Variants in ROBO4 observed in about 807,000 individuals in gnomAD.
The protein encoded by ROBO4 is roundabout homolog 4.
ROBO4 carries 80 observed loss-of-function variants against 103.3 expected under a neutral mutation model. The ratio of observed to expected loss-of-function variants is 0.77; its 90% confidence interval spans 0.65 to 0.93. ROBO4 has a LOEUF of 0.93. Among genes scored for constraint, ROBO4 ranks in the 40% least tolerant of loss-of-function variants. The pLI is 0.00. For missense variants in ROBO4, 1,333 were observed against 1,305.3 expected, an observed-to-expected ratio of 1.02 and a Z score of -0.33; for synonymous variants, 504 against 529.7, an observed-to-expected ratio of 0.95 and a Z score of 0.67.
In ROBO4 at chr11:124,887,211, G is replaced by A; in HGVS notation, c.2201C>T (p.Pro734Leu). Residue 734 changes from proline (P) to leucine (L), a missense_variant and splice_region_variant, in exon 15 of 18, where the codon CCT becomes CTT. Transcript: ENST00000306534. ...TPPTQSQQTQ[P>L]PVAPQAPSSI... ...GGAGGGAGCCTGTGGTGCCACCGGA[G>A]GCCTGATTTGCGGGAGAGAGTGATG... 1 of 1,590,300 alleles carries A rather than the reference G, an allele frequency of 6.3e-7. No homozygotes were observed. The highest frequency in any genetic ancestry group is 1.1e-5 in the South Asian group (1 of 87,212).
rs1591527933 is a variant in ROBO4 at position 124,883,985 on chromosome 11, T to G, written c.*906A>C. The stretch of plus-strand genomic sequence containing the variant: ...CTAAGGCTTATCTTGAGGAGGTGGA[T>G]TTAATATAAGTTGCCAGGACCAGCA... On this transcript the variant is annotated 3_prime_UTR_variant, in exon 18 of 18. Transcript: ENST00000306534. 1 of 152,206 alleles carries G rather than the reference T, an allele frequency of 6.6e-6. No homozygotes were observed. Among genetic ancestry groups the G allele is most frequent in the East Asian group, 1.9e-4 (1 of 5,168 alleles). 9.4% of individuals were successfully genotyped at this position (152,206 alleles called of 1,614,324 possible). A position where few individuals can be genotyped will look rare whatever the true frequency, so the allele number is the denominator to read the frequency against.
Position 124,893,671 on chromosome 11 carries a change from C to G in ROBO4, c.1547+17G>C. 1 of 1,613,138 alleles carries G rather than the reference C, an allele frequency of 6.2e-7. No individual in the cohort carries two copies. ...TGCCACCCTCCCTTACTTCAGACCT[C>G]CCCTTTCACCTCTCACCTGTGTTTT... On this transcript the variant is annotated intron_variant, in intron 10 of 17. Coordinates refer to ENST00000306534, the MANE Select transcript of ROBO4 (RefSeq NM_019055.6).
chr11:124,896,405 C>T (rs1946891432), intron 3 of ROBO4, 87 bp from the exon 4 acceptor site: 4 of 1,594,804 alleles, frequency 2.5e-6, no homozygotes, highest in African/African-American at 1.3e-5. Context: ...GCTCTCCCCT[C>T]CTCAAATTCT....
chr11:124,886,734 T>A lies in ROBO4; in HGVS notation c.2524A>T (p.Met842Leu). The change falls in exon 16 of 18, where the codon ATG becomes TTG. Residue 842 changes from methionine (M) to leucine (L), a missense_variant. By Grantham distance (15) the Met-to-Leu change is conservative (BLOSUM62 2). Coordinates refer to ENST00000306534, the MANE Select transcript of ROBO4 (RefSeq NM_019055.6). ...CCCACCCCTCCTCCAGTCCTGCCCA[T>A]GTCCGTGAACTCTGAGGCTGTTGGG... Reference protein sequence around the residue: ...SVPTASEFTDMGRTGGGVGPK... With the variant: ...SVPTASEFTDLGRTGGGVGPK... 1.3e-6 allele frequency: 2 copies of A among 1,595,030 alleles called. No homozygotes were observed. Among genetic ancestry groups the A allele is most frequent in the South Asian group, 1.1e-5 (1 of 88,560 alleles).
At chr11:124,892,286 C>T in intron 10 of ROBO4, 1 of 340,218 alleles carries the variant, frequency 2.9e-6, no homozygotes, top group Non-Finnish European at 5.8e-6. Flanking sequence ...AGAGCAGGAG[C>T]TTGCTCCATG....
Position 124,895,648 on chromosome 11 carries a change from G to C in ROBO4, c.845C>G (p.Ala282Gly), listed in dbSNP as rs1225685486. 1.9e-6 allele frequency: 3 copies of C among 1,613,912 alleles called. No individual in the cohort carries two copies. Among genetic ancestry groups the C allele is most frequent in the Non-Finnish European group, 2.5e-6 (3 of 1,179,976 alleles). ...CGGGGCAGTCTGGGTCCTGAACAAG[G>C]CCGTGTAAGATTGGGCAGGCGCAGC... ...GPAAPAQSYT[A>G]LFRTQTAPGG... Residue 282 changes from alanine to glycine, a missense_variant, in exon 6 of 18, where the codon GCC (alanine) becomes GGC (glycine). Transcript: ENST00000306534.
intron 12 of ROBO4, among the ~76,000 whole-genome samples, chr11:124,888,782 C>T (rs1434104068): frequency 6.6e-6 from 1 of 152,132 alleles, no homozygotes; most frequent in Admixed American, 6.5e-5. Flanking sequence ...CTTGGTCAGA[C>T]CAGAATGCAA....
intron 2 of ROBO4, 75 bp downstream of exon 2, chr11:124,896,857 T>C (rs1946901630): frequency 1.9e-6 from 3 of 1,554,318 alleles, no homozygotes; most frequent in South Asian, 2.4e-5. Context: ...ACCTCTCAGA[T>C]GTTCCCTTGA....
chr11:124,889,590 A>G (rs1203915616), intron 12 of ROBO4, among the ~76,000 whole-genome samples: 2 of 152,244 alleles, frequency 1.3e-5, no homozygotes, highest in Non-Finnish European at 2.9e-5. Flanking sequence ...GAATGAGGAT[A>G]TTCAGTGCAT....
In ROBO4 at chr11:124,891,489, G is replaced by A. The variant is rs111626453; in HGVS notation, c.1758C>T (p.Ile586=). 19 of 1,613,782 alleles carry A rather than the reference G, an allele frequency of 1.2e-5. 1 individual carries two copies. Among genetic ancestry groups the A allele is most frequent in the African/African-American group, 6.7e-5 (5 of 74,926 alleles). The change falls in exon 12 of 18, where the codon ATC becomes ATT. Residue 586 remains isoleucine, a synonymous_variant. Coordinates refer to ENST00000306534, the MANE Select transcript of ROBO4 (RefSeq NM_019055.6). ...CTGGGGTACTGGAGGGCAGCTCAGC[G>A]ATGAGGGAGCCATAAAAAGTGCTGG... The part of the protein sequence containing the change: ...PDTSTFYGSL[I]AELPSSTPAR...
rs576689917 is a variant in ROBO4, at chr11:124,884,744, G to A, written c.*147C>T. 105 of 899,950 alleles carry A rather than the reference G, an allele frequency of 1.2e-4. 1 individual carries two copies. Among genetic ancestry groups the A allele is most frequent in the South Asian group, 7.7e-4 (53 of 68,472 alleles). 55.7% of individuals were successfully genotyped at this position (899,950 alleles called of 1,614,324 possible). A position where few individuals can be genotyped will look rare whatever the true frequency, so the allele number is the denominator to read the frequency against. ...TTTGTTTTCATTTGTTTTCACAATC[G>A]TGGAGGGAGAACTCTCTGGAGGCTT... On this transcript the variant is annotated 3_prime_UTR_variant, in exon 18 of 18. Coordinates refer to ENST00000306534, the MANE Select transcript of ROBO4 (RefSeq NM_019055.6).
rs373760832 is a variant in ROBO4, at chr11:124,894,006, T to A, written c.1358A>T (p.His453Leu). The A allele has an allele frequency of 5.1e-6, 8 of 1,568,122 alleles. No individual in the cohort carries two copies. The highest frequency in any genetic ancestry group is 2.2e-5 in the East Asian group (1 of 44,494). Residue 453 changes from histidine to leucine, a missense_variant, in exon 9 of 18, where the codon CAT becomes CTT. His to Leu is a moderately conservative substitution (Grantham distance 99). Transcript: ENST00000306534. ...CAGCTGCTCCAGGGTCCAGGGACCATGCTCACTGGGTTCTTGGGTGGCTCG... is the reference window on the plus strand; with the variant it reads ...CAGCTGCTCCAGGGTCCAGGGACCAAGCTCACTGGGTTCTTGGGTGGCTCG... ...MERATQEPSE[H>L]GPWTLEQLRA...
Position 124,891,816 on chromosome 11 carries a change from G to A in ROBO4, c.1548-14C>T. 6.2e-7 allele frequency: 1 copy of A among 1,613,814 alleles called. No homozygotes were observed. The highest frequency in any genetic ancestry group is 8.5e-7 in the Non-Finnish European group (1 of 1,179,864). On this transcript the variant is annotated splice_polypyrimidine_tract_variant and intron_variant, in intron 10 of 17. Transcript: ENST00000306534. The stretch of plus-strand genomic sequence containing the variant: ...CTGTGATCCATCCTGGGGCAGTGGA[G>A]GGAGGGGGTGAGGCCAGGAGAAACA...
intron 10 of ROBO4, chr11:124,892,934 G>C (rs1423786344): frequency 6.6e-6 from 1 of 152,656 alleles, no homozygotes; most frequent in Non-Finnish European, 1.5e-5. Flanking sequence ...CTGGGCTGAG[G>C]ACCTGACAGT....
intron 2 of ROBO4, 115 bp downstream of exon 2, chr11:124,896,816 GC>G: frequency 6.6e-7 from 1 of 1,519,224 alleles, no homozygotes; most frequent in South Asian, 1.3e-5. Context: ...AAGCCTTCCA[GC>G]CCAGGCCTCT....
Position 124,887,223 on chromosome 11 carries a change from G to A in ROBO4, c.2199-10C>T, listed in dbSNP as rs373330515. On this transcript the variant is annotated splice_polypyrimidine_tract_variant and intron_variant, in intron 14 of 17. Coordinates refer to ENST00000306534, the MANE Select transcript of ROBO4 (RefSeq NM_019055.6). ...TGGTGCCACCGGAGGCCTGATTTGC[G>A]GGAGAGAGTGATGGCACCGTAGTTA... is the stretch of plus-strand genomic sequence containing the variant. 42 of 1,586,448 alleles carry A rather than the reference G, an allele frequency of 2.6e-5. No individual in the cohort carries two copies. Among genetic ancestry groups the A allele is most frequent in the East Asian group, 6.7e-5 (3 of 44,602 alleles).
In ROBO4 at chr11:124,891,794, T is replaced by G. The variant is rs1174335383; in HGVS notation, c.1556A>C (p.His519Pro). 1 of 1,614,072 alleles carries G rather than the reference T, an allele frequency of 6.2e-7. No individual in the cohort carries two copies. The highest frequency in any genetic ancestry group is 2.2e-5 in the East Asian group (1 of 44,878). Reference protein sequence around the residue: ...EDAILKHRMDHSDSQWLADTW... With the variant: ...EDAILKHRMDPSDSQWLADTW... ...GTCTGCCAACCACTGGGAGTCACTG[T>G]GATCCATCCTGGGGCAGTGGAGGGA... The change falls in exon 11 of 18, where the codon CAC becomes CCC. Residue 519 changes from histidine to proline, a missense_variant. His to Pro is a moderately conservative substitution (Grantham distance 77). Coordinates refer to ENST00000306534, the MANE Select transcript of ROBO4 (RefSeq NM_019055.6).
chr11:124,885,580 G>GT (rs5795436), intron 16 of ROBO4, among the ~76,000 whole-genome samples: 7,855 of 141,882 alleles, frequency 0.055, 252 homozygotes, highest in Middle Eastern at 0.09. Context: ...CCACAAGCCT[G>GT]TTTTTTTTTT....
In ROBO4 at chr11:124,885,034, C is replaced by G; in HGVS notation, c.3001+7G>C. On this transcript the variant is annotated splice_region_variant and intron_variant, in intron 17 of 17. Transcript: ENST00000306534. ...TGAACACATTAGCCAGGAAGACAGA[C>G]ACTCACCACCAGCCTTGGGCATACG... 6.2e-7 allele frequency: 1 copy of G among 1,614,022 alleles called. No homozygotes were observed. The highest frequency in any genetic ancestry group is 8.5e-7 in the Non-Finnish European group (1 of 1,179,924).
Sources: allele counts gnomAD v4.1 joint callset (sites outside exome capture counted in the v4.1 genomes callset), GRCh38; gene constraint gnomAD v4.1.1; transcripts MANE v1.5; gene names NCBI Gene and HGNC (gene_info 2026-07-23, HGNC 2026-07-21).